KATNAL1: variants seen among roughly 807,000 people sequenced by gnomAD.
The protein encoded by KATNAL1 is katanin catalytic subunit A1 like 1.
Under a neutral mutation model 55.2 loss-of-function variants are expected in KATNAL1, and 32 were observed. The observed-to-expected ratio is 0.58, with a 90% CI of 0.44 to 0.78. The LOEUF (loss-of-function observed/expected upper bound fraction) is 0.78. Ranked by LOEUF, KATNAL1 falls within the 30% of genes least tolerant of loss-of-function variation. The pLI, the probability that KATNAL1 is intolerant of heterozygous loss-of-function variation, is 0.00. For synonymous variants in KATNAL1, 193 were observed against 193.6 expected (o/e 1.00, Z 0.02); for missense variants, 466 against 600.9 (o/e 0.78, Z 2.35).
chr13:30,274,940 CACACACACACACAG>C (rs1246497394), intron 3 of KATNAL1, among the ~76,000 whole-genome samples: 15 of 151,118 alleles, frequency 9.9e-5, no homozygotes, highest in African/African-American at 3.7e-4. Context: ...CACACACACA[CACACACACACACAG>C]GAATATTATT....
At chr13:30,250,473 T>C (rs1476238609) in intron 4 of KATNAL1, among the ~76,000 whole-genome samples, 1 of 152,208 alleles carries the variant, frequency 6.6e-6, no homozygotes, top group Non-Finnish European at 1.5e-5. Context: ...CTGGCTAGAT[T>C]ATCATTATTC....
intron 8 of KATNAL1, among the ~76,000 whole-genome samples, chr13:30,227,789 T>G (rs1210146736): frequency 2.6e-5 from 4 of 151,666 alleles, no homozygotes; most frequent in African/African-American, 9.7e-5. Flanking sequence ...TGCAACCTAG[T>G]GCAGGATTTT....
chr13:30,222,139 G>C (rs11617617), intron 9 of KATNAL1, among the ~76,000 whole-genome samples: 27 of 152,140 alleles, frequency 1.8e-4, no homozygotes, highest in Non-Finnish European at 3.1e-4. Flanking sequence ...GGTGGACTTT[G>C]AGTAAAGCAG....
chr13:30,288,183 A>C (rs1050065018), intron 1 of KATNAL1, among the ~76,000 whole-genome samples: 1 of 152,208 alleles, frequency 6.6e-6, no homozygotes, highest in African/African-American at 2.4e-5. Flanking sequence ...TACTTTTCAA[A>C]GTAGGTTAGG....
chr13:30,269,809 T>C (rs1880118042), intron 3 of KATNAL1, among the ~76,000 whole-genome samples: 1 of 146,432 alleles, frequency 6.8e-6, no homozygotes, highest in Admixed American at 6.7e-5. Flanking sequence ...AGCCGCCCCA[T>C]CTGAGAAGTG....
intron 1 of KATNAL1, among the ~76,000 whole-genome samples, chr13:30,304,370 A>C (rs1883053013): frequency 6.6e-6 from 1 of 151,756 alleles, no homozygotes; most frequent in African/African-American, 2.4e-5. Flanking sequence ...CCTGGGTTCA[A>C]GCTATTCTCC....
chr13:30,280,483 G>A (rs1395323480), intron 2 of KATNAL1, among the ~76,000 whole-genome samples: 5 of 152,008 alleles, frequency 3.3e-5, no homozygotes, highest in Admixed American at 2.6e-4. Flanking sequence ...ACCAAAGAAC[G>A]TGATGATCAT....
chr13:30,214,124 C>T (rs1445534461), intron 9 of KATNAL1, among the ~76,000 whole-genome samples: 1 of 152,108 alleles, frequency 6.6e-6, no homozygotes, highest in Non-Finnish European at 1.5e-5. Flanking sequence ...TTCTTATACA[C>T]CAATAACAGA....
At chr13:30,286,152 T>C (rs996881197) in intron 1 of KATNAL1, among the ~76,000 whole-genome samples, 1 of 152,194 alleles carries the variant, frequency 6.6e-6, no homozygotes, top group Non-Finnish European at 1.5e-5. Flanking sequence ...ACCCATTTTC[T>C]GGGGAGAAAT....
At position 30,297,908 on chromosome 13, in the gene KATNAL1, G is replaced by A. The variant is rs1882619617; in HGVS notation, c.-15+9423C>T. Among the ~76,000 whole-genome samples the A allele has an allele frequency of 2.0e-5, 3 of 152,158 alleles. No individual in the cohort carries two copies. In the South Asian group the frequency reaches 6.2e-4, roughly 32 times the overall value. On this transcript the variant is annotated intron_variant, in intron 1 of 10. Coordinates refer to ENST00000380615, the MANE Select transcript of KATNAL1 (RefSeq NM_032116.5). The stretch of plus-strand genomic sequence containing the variant: ...GCAAGAGTTGGAAAACTATCTTTTG[G>A]CTACTACACTCACTCTCTGGGTGAC...
intron 1 of KATNAL1, chr13:30,296,633 G>A (rs565071287): frequency 8.2e-5 from 57 of 696,044 alleles, no homozygotes; most frequent in East Asian, 1.8e-4. Flanking sequence ...TCCAGTACAC[G>A]GACGAGCACA....
Position 30,260,876 on chromosome 13 carries a change from A to G in KATNAL1, c.324-5261T>C, listed in dbSNP as rs552003809. Among the ~76,000 whole-genome samples, 90 of 148,732 alleles carry G rather than the reference A, an allele frequency of 6.1e-4. No individual in the cohort carries two copies. The Middle Eastern group carries it at 0.01, about 17-fold the overall frequency. ...TTCAGGAAATACAGAGAACGCCACAAAGATACTCCTCGAGAAGAGCAACTC... is the reference window on the plus strand; with the variant it reads ...TTCAGGAAATACAGAGAACGCCACAGAGATACTCCTCGAGAAGAGCAACTC... On this transcript the variant is annotated intron_variant, in intron 3 of 10. Transcript: ENST00000380615.
intron 4 of KATNAL1, among the ~76,000 whole-genome samples, chr13:30,245,807 A>G (rs1328295223): frequency 1.3e-5 from 2 of 152,214 alleles, no homozygotes; most frequent in Non-Finnish European, 2.9e-5. Flanking sequence ...ACTGCTACAA[A>G]GAGAATAAAA....
At chr13:30,264,033 G>C (rs2137485128) in intron 3 of KATNAL1, among the ~76,000 whole-genome samples, 1 of 147,262 alleles carries the variant, frequency 6.8e-6, no homozygotes, top group East Asian at 2.0e-4. Flanking sequence ...CAGAGATATA[G>C]ATCAACGGAA....
At chr13:30,215,110 G>A (rs924645790) in intron 9 of KATNAL1, among the ~76,000 whole-genome samples, 10 of 151,052 alleles carry the variant, frequency 6.6e-5, no homozygotes, top group African/African-American at 1.5e-4. Flanking sequence ...AAAAGTGGGC[G>A]AAGGACATGA....
chr13:30,279,261 G>A (rs150105763), intron 3 of KATNAL1, among the ~76,000 whole-genome samples: 8 of 152,256 alleles, frequency 5.3e-5, no homozygotes, highest in African/African-American at 9.6e-5. Context: ...CAAACCCTGC[G>A]TTAGCAATGA....
At position 30,269,590 on chromosome 13, in the gene KATNAL1, G is replaced by A. The variant is rs1380798203; in HGVS notation, c.323+10473C>T. 2.6e-5 allele frequency among the ~76,000 whole-genome samples: 4 copies of A among 151,086 alleles called. No homozygotes were observed. The South Asian group carries it at 6.3e-4, about 24-fold the overall frequency. On this transcript the variant is annotated intron_variant, in intron 3 of 10. Coordinates refer to ENST00000380615, the MANE Select transcript of KATNAL1 (RefSeq NM_032116.5). ...CTGCCCAGTCTGGAAAGTGAGGAGCGTCTCTGCCCGGCCGCCATCCCATCT... is the reference window on the plus strand; with the variant it reads ...CTGCCCAGTCTGGAAAGTGAGGAGCATCTCTGCCCGGCCGCCATCCCATCT...
chr13:30,240,640 T>C (rs1018623904), intron 5 of KATNAL1, 75 bp from the exon 6 acceptor site: 2 of 954,624 alleles, frequency 2.1e-6, no homozygotes, highest in Non-Finnish European at 3.2e-6. Context: ...ATTCTTTTAA[T>C]TTTTTTTTAC....
At chr13:30,303,126 C>T (rs1400032207) in intron 1 of KATNAL1, among the ~76,000 whole-genome samples, 1 of 152,160 alleles carries the variant, frequency 6.6e-6, no homozygotes, top group African/African-American at 2.4e-5. Context: ...ATGGACAGAA[C>T]AAAGTTACAA....
Sources: gnomAD v4.1 joint callset for allele counts (sites outside exome capture counted in the v4.1 genomes callset) on GRCh38, gnomAD v4.1.1 for gene constraint, MANE v1.5 for transcripts, NCBI Gene and HGNC (gene_info 2026-07-23, HGNC 2026-07-21) for gene names.